The following LARGE1 variants were observed in gnomAD, a reference collection of about 807,000 sequenced individuals.
LARGE1 encodes the protein LARGE xylosyl- and glucuronyltransferase 1.
In LARGE1, 43 loss-of-function variants were observed where a neutral mutation model predicts 87.6. The ratio of observed to expected loss-of-function variants is 0.49; its 90% confidence interval spans 0.38 to 0.63. The LOEUF is 0.63. Among genes scored for constraint, LARGE1 ranks in the 30% least tolerant of loss-of-function variants. The probability of loss-of-function intolerance (pLI) is 0.00; values close to 1 mark genes in which losing one functional copy is unlikely to be tolerated. For synonymous variants in LARGE1, 434 were observed against 394.6 expected, an observed-to-expected ratio of 1.10 and a Z score of -1.18; for missense variants, 802 against 1,000.2, an observed-to-expected ratio of 0.80 and a Z score of 2.67.
At chr22:33,825,288 A>G (rs1014754525) in intron 1 of LARGE1, among the ~76,000 whole-genome samples, 3 of 152,236 alleles carry the variant, frequency 2.0e-5, no homozygotes, top group Non-Finnish European at 4.4e-5. Context: ...CAAATATGGG[A>G]TGGGGTATTA....
At chr22:33,077,391 T>C in the LARGE1 span, among the ~76,000 whole-genome samples, 3 of 152,330 alleles carry the variant, frequency 2.0e-5, no homozygotes, top group Admixed American at 2.0e-4. Context: ...CTAGGCTGTT[T>C]AGAAATCTGG....
At chr22:33,184,262 G>A (rs66503275) in intron 11 of LARGE1, among the ~76,000 whole-genome samples, 21,907 of 150,716 alleles carry the variant, frequency 0.15, 1,652 homozygotes, top group East Asian at 0.21. Context: ...GTAAATAACC[G>A]GATTACAATG....
At chr22:33,297,463 A>AG (rs369346846) in intron 12 of LARGE1, among the ~76,000 whole-genome samples, 115 of 151,614 alleles carry the variant, frequency 7.6e-4, no homozygotes, top group African/African-American at 2.6e-3. Flanking sequence ...TACAAAAAAA[A>AG]TTAGCCAGGT....
At chr22:33,146,911 T>C in the LARGE1 span, among the ~76,000 whole-genome samples, 2 of 152,320 alleles carry the variant, frequency 1.3e-5, no homozygotes, top group African/African-American at 2.4e-5. Context: ...GCCGTGTCTG[T>C]AATGTTCAAC....
intron 1 of LARGE1, among the ~76,000 whole-genome samples, chr22:33,878,125 A>ATTTTTTTTTT (rs1601836110): frequency 3.9e-5 from 2 of 51,234 alleles, no homozygotes; most frequent in South Asian, 5.4e-4. Context: ...TTTATATTGT[A>ATTTTTTTTTT]TTTCTTTTTT....
intron 11 of LARGE1, among the ~76,000 whole-genome samples, chr22:33,186,834 C>G (rs545571742): frequency 6.6e-6 from 1 of 152,050 alleles, no homozygotes; most frequent in South Asian, 2.1e-4. Context: ...TACATGTTAG[C>G]AGCATTGAGA....
rs150714476 is a variant in LARGE1 at position 33,696,263 on chromosome 22, C to CTT, written c.107-45597_107-45596dup. On this transcript the variant is annotated intron_variant, in intron 2 of 14. Transcript: ENST00000397394. The stretch of plus-strand genomic sequence containing the variant: ...TCTTTCTTTCTTTCTTTCTTTCTTT[C>CTT]TTTTTTTTTTTTTTTTTGAGACAGA... Among the ~76,000 whole-genome samples, 75 of 61,674 alleles carry CTT rather than the reference C, an allele frequency of 1.2e-3. 2 individuals are homozygous for CTT. Among genetic ancestry groups the CTT allele is most frequent in the African/African-American group, 4.9e-3 (69 of 14,010 alleles). 40.5% of individuals were successfully genotyped at this position (61,674 alleles called of 152,430 possible). A position where few individuals can be genotyped will look rare whatever the true frequency, so the allele number is the denominator to read the frequency against.
intron 1 of LARGE1, among the ~76,000 whole-genome samples, chr22:33,896,810 C>A (rs2065157734): frequency 1.3e-5 from 2 of 152,134 alleles, no homozygotes; most frequent in South Asian, 4.1e-4. Flanking sequence ...TAATTAGATA[C>A]TCACTCGTTC....
intron 7 of LARGE1, among the ~76,000 whole-genome samples, chr22:33,417,375 C>T (rs1032355331): frequency 1.3e-5 from 2 of 152,184 alleles, no homozygotes; most frequent in African/African-American, 4.8e-5. Flanking sequence ...GTTCCCTGCC[C>T]TCTGGGGAGA....
intron 10 of LARGE1, among the ~76,000 whole-genome samples, chr22:33,332,951 C>T (rs771816237): frequency 3.4e-4 from 51 of 152,210 alleles, no homozygotes; most frequent in Non-Finnish European, 5.9e-4. Context: ...CCATTCCCAC[C>T]GCAACTGTCC....
At chr22:33,877,317 A>C (rs1039153077) in intron 1 of LARGE1, among the ~76,000 whole-genome samples, 1 of 152,166 alleles carries the variant, frequency 6.6e-6, no homozygotes, top group Non-Finnish European at 1.5e-5. Flanking sequence ...AGTCAAGATT[A>C]TCCCTCCATT....
intron 11 of LARGE1, among the ~76,000 whole-genome samples, chr22:33,218,922 C>G (rs1454850622): frequency 1.3e-5 from 2 of 152,166 alleles, no homozygotes; most frequent in Admixed American, 1.3e-4. Flanking sequence ...CAATAGAATC[C>G]AAGTGGAAGT....
chr22:33,226,344 C>T (rs780931133), intron 11 of LARGE1, among the ~76,000 whole-genome samples: 1 of 152,196 alleles, frequency 6.6e-6, no homozygotes, highest in Non-Finnish European at 1.5e-5. Flanking sequence ...AAGTTCTTCT[C>T]GAAGTCCCAA....
chr22:33,636,039 T>C lies in LARGE1; in HGVS notation c.409-9713A>G, dbSNP rs16992676. Among the ~76,000 whole-genome samples the C allele has an allele frequency of 4.0e-3, 614 of 152,226 alleles. 4 individuals are homozygous for C. The highest frequency in any genetic ancestry group is 0.014 in the African/African-American group (588 of 41,524). ...CTCCACGGCAAGGCACATAAATGGA[T>C]GATGAATGAATGAAGCATCCAGGAT... is the stretch of plus-strand genomic sequence containing the variant. On this transcript the variant is annotated intron_variant, in intron 3 of 14. Transcript: ENST00000397394.
intron 1 of LARGE1, among the ~76,000 whole-genome samples, chr22:33,907,138 G>A (rs2065477912): frequency 6.6e-6 from 1 of 152,118 alleles, no homozygotes; most frequent in Admixed American, 6.6e-5. Flanking sequence ...AGTTCATAAA[G>A]TTTTGCTAGT....
At chr22:33,491,516 T>A (rs2069840719) in intron 6 of LARGE1, among the ~76,000 whole-genome samples, 2 of 152,230 alleles carry the variant, frequency 1.3e-5, no homozygotes, top group Admixed American at 6.5e-5. Flanking sequence ...GACGCTCACT[T>A]CAAGGTGAGA....
At chr22:33,172,305 T>C (rs1174987948) in intron 11 of LARGE1, among the ~76,000 whole-genome samples, 1 of 152,226 alleles carries the variant, frequency 6.6e-6, no homozygotes, top group Non-Finnish European at 1.5e-5. Flanking sequence ...ACTTTTGAGT[T>C]AATGCTGGAA....
rs35018256 is a variant in LARGE1 at position 33,416,906 on chromosome 22, C to CTTTTTTTTTTTT, written c.892+15243_892+15254dup. 2.1e-4 allele frequency among the ~76,000 whole-genome samples: 19 copies of CTTTTTTTTTTTT among 90,148 alleles called. 1 individual carries two copies. Among genetic ancestry groups the CTTTTTTTTTTTT allele is most frequent in the Non-Finnish European group, 2.8e-4 (14 of 50,668 alleles). 59.1% of individuals were successfully genotyped at this position (90,148 alleles called of 152,430 possible). A position where few individuals can be genotyped will look rare whatever the true frequency, so the allele number is the denominator to read the frequency against. On this transcript the variant is annotated intron_variant, in intron 7 of 14. Transcript: ENST00000397394. ...ACAGGTGTGAGGCACCACGCCCGGA[C>CTTTTTTTTTTTT]TTTTTTTTTTTTTTTTTTTGAGACA...
At chr22:33,330,174 G>A (rs1325904690) in intron 10 of LARGE1, among the ~76,000 whole-genome samples, 2 of 152,144 alleles carry the variant, frequency 1.3e-5, no homozygotes, top group African/African-American at 4.8e-5. Flanking sequence ...CTGTCTTTGG[G>A]AGAATTTCAG....
Sources: gnomAD v4.1 joint callset for allele counts (sites outside exome capture counted in the v4.1 genomes callset) on GRCh38, gnomAD v4.1.1 for gene constraint, MANE v1.5 for transcripts, NCBI Gene and HGNC (gene_info 2026-07-23, HGNC 2026-07-21) for gene names.